Variants in TMEM44 observed in about 807,000 individuals in gnomAD.
TMEM44 encodes transmembrane protein 44.
TMEM44 carries 43 observed loss-of-function variants against 47.8 expected under a neutral mutation model. That is an observed-to-expected ratio of 0.90 (90% CI 0.70 to 1.16). The LOEUF is 1.16. Among genes scored for constraint, TMEM44 ranks in the 50% most tolerant of loss-of-function variants. TMEM44 has a pLI of 0.00. For missense variants in TMEM44, 568 were observed against 555.2 expected (o/e 1.02, Z -0.23); for synonymous variants, 277 against 238.8 (o/e 1.16, Z -1.48).
At chr3:194,607,931 G>T (rs749044519) in intron 8 of TMEM44, among the ~76,000 whole-genome samples, 2 of 152,206 alleles carry the variant, frequency 1.3e-5, no homozygotes, top group Admixed American at 1.3e-4. Context: ...GCACTTGTGG[G>T]CTTCAGTGGG....
In TMEM44 at chr3:194,588,244, C is replaced by T. The variant is rs1427838817; in HGVS notation, c.*285G>A. 9 of 371,598 alleles carry T rather than the reference C, an allele frequency of 2.4e-5. No homozygotes were observed. The East Asian group carries it at 3.2e-4, about 13-fold the overall frequency. The allele number at this position is 371,598 out of a possible 1,614,324, so 23.0% of individuals were successfully genotyped here. ...AAGGGAATGAAGGGAAAAGGAAGAG[C>T]GGGTCTGAGATCCTTTGGATTATCT... On this transcript the variant is annotated 3_prime_UTR_variant, in exon 10 of 10. Coordinates refer to ENST00000347147, the MANE Select transcript of TMEM44 (RefSeq NM_001011655.3).
At chr3:194,629,497 AC>A (rs1405175004) in intron 1 of TMEM44, among the ~76,000 whole-genome samples, 4 of 152,218 alleles carry the variant, frequency 2.6e-5, no homozygotes, top group Non-Finnish European at 5.9e-5. Context: ...CCTCTGAAAT[AC>A]GTTGTTGTAC....
rs137880889 is a variant in TMEM44, at chr3:194,623,760, C to T, written c.359-65G>A. The stretch of plus-strand genomic sequence containing the variant: ...CAGACCTTGTCAGATCAGATAGCTG[C>T]GTGGGAAGAACTGGTGTCAGCTCCC... On this transcript the variant is annotated intron_variant, in intron 3 of 9. Transcript: ENST00000347147. 61 of 1,596,872 alleles carry T rather than the reference C, an allele frequency of 3.8e-5. No individual in the cohort carries two copies. The East Asian group carries it at 8.5e-4, about 22-fold the overall frequency.
chr3:194,629,656 G>A (rs374398601), intron 1 of TMEM44, among the ~76,000 whole-genome samples: 1 of 149,480 alleles, frequency 6.7e-6, no homozygotes, highest in African/African-American at 2.5e-5. Flanking sequence ...CCTGCCTCCC[G>A]AAGGGGCTGG....
chr3:194,629,609 G>C (rs966500147), intron 1 of TMEM44, among the ~76,000 whole-genome samples: 4 of 149,118 alleles, frequency 2.7e-5, no homozygotes, highest in Non-Finnish European at 4.4e-5. Context: ...TGTTTCTATC[G>C]GCGTCCCTGA....
rs1239275005 is a variant in TMEM44 at position 194,611,951 on chromosome 3, G to A, written c.913-931C>T. Among the ~76,000 whole-genome samples the A allele has an allele frequency of 1.3e-5, 2 of 152,022 alleles. No individual in the cohort carries two copies. The highest frequency in any genetic ancestry group is 1.9e-4 in the East Asian group (1 of 5,192). ...GCAGGAGAATCGCTTGAACCCAGGA[G>A]GCGGAGGTTGCAGCAAGCTGAGATC... On this transcript the variant is annotated intron_variant, in intron 7 of 9. Coordinates refer to ENST00000347147, the MANE Select transcript of TMEM44 (RefSeq NM_001011655.3). The surrounding 1 kb of genome is among the most constrained non-coding windows in gnomAD (Gnocchi z 4.2).
At chr3:194,594,004 T>G (rs915010255) in intron 9 of TMEM44, among the ~76,000 whole-genome samples, 15 of 151,880 alleles carry the variant, frequency 9.9e-5, no homozygotes, top group African/African-American at 2.9e-4. Flanking sequence ...TTAGTGGAGA[T>G]GAGGTCTATG....
At chr3:194,617,519 C>T in intron 5 of TMEM44, 1 of 608,848 alleles carries the variant, frequency 1.6e-6, no homozygotes, top group East Asian at 2.8e-5. Flanking sequence ...CTAAGGCGAG[C>T]AAGCAACTCC....
At chr3:194,623,130 C>T (rs556437878) in intron 5 of TMEM44, 94 bp downstream of exon 5, 62 of 1,238,726 alleles carry the variant, frequency 5.0e-5, no homozygotes, top group Admixed American at 1.1e-4. Flanking sequence ...CCCACGGTGA[C>T]GCCACACCTC....
chr3:194,616,067 T>C (rs1402383012), intron 6 of TMEM44, among the ~76,000 whole-genome samples: 1 of 152,108 alleles, frequency 6.6e-6, no homozygotes, highest in Non-Finnish European at 1.5e-5. Context: ...CCTTTTTTTT[T>C]TTGAGACAGA....
Position 194,624,679 on chromosome 3 carries a change from G to A in TMEM44, c.359-984C>T, listed in dbSNP as rs577682528. Among the ~76,000 whole-genome samples, 92 of 150,820 alleles carry A rather than the reference G, an allele frequency of 6.1e-4. 1 individual carries two copies. Among genetic ancestry groups the A allele is most frequent in the African/African-American group, 2.0e-3 (81 of 41,096 alleles). ...AGCAATCTTCCCAACTCAGCCTCCC[G>A]AAGTGCTGGGATTACAGGCATGAGC... On this transcript the variant is annotated intron_variant, in intron 3 of 9. Coordinates refer to ENST00000347147, the MANE Select transcript of TMEM44 (RefSeq NM_001011655.3).
At chr3:194,603,231 T>C (rs1039635173) in intron 9 of TMEM44, among the ~76,000 whole-genome samples, 1 of 152,222 alleles carries the variant, frequency 6.6e-6, no homozygotes, top group African/African-American at 2.4e-5. Flanking sequence ...GTGACGTGTG[T>C]TTTATTCACA....
At chr3:194,627,378 C>T (rs1717288973) in intron 2 of TMEM44, among the ~76,000 whole-genome samples, 1 of 152,198 alleles carries the variant, frequency 6.6e-6, no homozygotes, top group Admixed American at 6.5e-5. Flanking sequence ...CCATGAGGTG[C>T]CTCCGCAGGA....
At position 194,588,850 on chromosome 3, in the gene TMEM44, A is replaced by G. The variant is rs1354675302; in HGVS notation, c.1177-211T>C. On this transcript the variant is annotated intron_variant, in intron 9 of 9. Transcript: ENST00000347147. ...TACATCAAGCAACTAATGAACAACC[A>G]CCCTAAACATAACAGCTTCACTTTC... is the stretch of plus-strand genomic sequence containing the variant. Among the ~76,000 whole-genome samples, 19 of 151,904 alleles carry G rather than the reference A, an allele frequency of 1.3e-4. 1 individual carries two copies. The highest frequency in any genetic ancestry group is 7.2e-4 in the Admixed American group (11 of 15,240).
chr3:194,606,363 G>A (rs1416035981), intron 8 of TMEM44, among the ~76,000 whole-genome samples: 1 of 152,102 alleles, frequency 6.6e-6, no homozygotes, highest in East Asian at 1.9e-4. Flanking sequence ...CCCTTCTAAT[G>A]GGATATGTAT....
At chr3:194,616,740 C>T (rs948630176) in intron 6 of TMEM44, 14 of 392,852 alleles carry the variant, frequency 3.6e-5, no homozygotes, top group Non-Finnish European at 6.5e-5. Flanking sequence ...CTAAAAATAA[C>T]AAAAATTAGC....
intron 1 of TMEM44, among the ~76,000 whole-genome samples, chr3:194,632,161 G>C (rs1394003894): frequency 6.6e-6 from 1 of 152,216 alleles, no homozygotes; most frequent in Non-Finnish European, 1.5e-5. Flanking sequence ...TCCTGGTGCT[G>C]ATATTGTGAG....
At chr3:194,596,167 G>A (rs1713384388) in intron 9 of TMEM44, among the ~76,000 whole-genome samples, 1 of 152,072 alleles carries the variant, frequency 6.6e-6, no homozygotes, top group South Asian at 2.1e-4. Flanking sequence ...GCAGCAAGGC[G>A]CCCAGAAGGC....
intron 2 of TMEM44, 115 bp downstream of exon 2, chr3:194,628,268 C>T (rs1285262339): frequency 1.4e-6 from 2 of 1,385,990 alleles, no homozygotes; most frequent in African/African-American, 2.9e-5. Flanking sequence ...TGAGGTGACA[C>T]TGTGCTATGC....
Sources: gnomAD v4.1 joint callset for allele counts (sites outside exome capture counted in the v4.1 genomes callset) on GRCh38, gnomAD v4.1.1 for gene constraint, Gnocchi (gnomAD v3.1) non-coding constraint, MANE v1.5 for transcripts, NCBI Gene and HGNC (gene_info 2026-07-23, HGNC 2026-07-21) for gene names.